The following PDE11A variants were observed in gnomAD, a reference collection of about 807,000 sequenced individuals.
The protein encoded by PDE11A is dual 3',5'-cyclic-AMP and -GMP phosphodiesterase 11A.
In PDE11A, 100 loss-of-function variants were observed where a neutral mutation model predicts 100.5. The ratio of observed to expected loss-of-function variants is 1.00; its 90% CI spans 0.85 to 1.18. The LOEUF (loss-of-function observed/expected upper bound fraction) is 1.18, where lower values mean the gene tolerates loss of function less well. Ranked by LOEUF, PDE11A falls within the 50% of genes most tolerant of loss-of-function variation. The probability of loss-of-function intolerance (pLI) is 0.00; values close to 1 mark genes in which losing one functional copy is unlikely to be tolerated. For missense variants in PDE11A, 1,141 were observed against 1,152.6 expected (o/e 0.99, Z 0.15); for synonymous variants, 381 against 420.8 (o/e 0.91, Z 1.16).
chr2:177,789,144 G>T (rs1431406412), intron 9 of PDE11A, among the ~76,000 whole-genome samples: 1 of 152,072 alleles, frequency 6.6e-6, no homozygotes, highest in Non-Finnish European at 1.5e-5. Context: ...CCTCAATAAA[G>T]TACTGGCAAA....
intron 15 of PDE11A, among the ~76,000 whole-genome samples, chr2:177,693,670 T>A (rs982817850): frequency 7.2e-5 from 11 of 152,102 alleles, no homozygotes; most frequent in African/African-American, 2.7e-4. Flanking sequence ...ATATCCCCAA[T>A]TAAAATGACA....
chr2:178,046,154 G>A (rs2086748033), intron 1 of PDE11A, among the ~76,000 whole-genome samples: 1 of 152,182 alleles, frequency 6.6e-6, no homozygotes, highest in African/African-American at 2.4e-5. Flanking sequence ...TCTTACCACA[G>A]TGCCTACTGC....
At chr2:177,777,775 T>C (rs2082398400) in intron 9 of PDE11A, among the ~76,000 whole-genome samples, 1 of 152,172 alleles carries the variant, frequency 6.6e-6, no homozygotes, top group Admixed American at 6.5e-5. Flanking sequence ...TATCAGTTAA[T>C]TTTTTCGACA....
In PDE11A at chr2:178,014,327, G is replaced by A; in HGVS notation, c.1046C>T (p.Ala349Val). 1 of 1,612,928 alleles carries A rather than the reference G, an allele frequency of 6.2e-7. No homozygotes were observed. Among genetic ancestry groups the A allele is most frequent in the Non-Finnish European group, 8.5e-7 (1 of 1,178,994 alleles). Residue 349 changes from alanine (A) to valine (V), a missense_variant, in exon 2 of 20, where the codon GCT becomes GTT. Transcript: ENST00000286063. ...TTTTTCATCATCTTCAGTAAATGGA[G>A]CTCCTTCAGGAATCTTATTTATCGC... is the stretch of plus-strand genomic sequence containing the variant. ...AQAINKIPEG[A>V]PFTEDDEKVM... is the part of the protein sequence containing the mutation.
rs149554567 is a variant in PDE11A at position 177,930,654 on chromosome 2, C to T, written c.1072-25467G>A. Among the ~76,000 whole-genome samples the T allele has an allele frequency of 3.7e-3, 563 of 152,306 alleles. 2 individuals are homozygous for T. The highest frequency in any genetic ancestry group is 0.013 in the African/African-American group (547 of 41,568). ...GTAGAAAGGATAAGAAATCTCATCC[C>T]ACAACTATTCATAGGGAAGCTACCA... is the stretch of plus-strand genomic sequence containing the variant. On this transcript the variant is annotated intron_variant, in intron 2 of 19. Transcript: ENST00000286063.
At chr2:177,896,732 G>A (rs986618254) in intron 4 of PDE11A, among the ~76,000 whole-genome samples, 1 of 152,120 alleles carries the variant, frequency 6.6e-6, no homozygotes, top group African/African-American at 2.4e-5. Flanking sequence ...AATTATTATA[G>A]GATGATAGTA....
chr2:178,105,827 A>T, intron 1 of PDE11A: 1 of 531,218 alleles, frequency 1.9e-6, no homozygotes, highest in Non-Finnish European at 2.8e-6. Context: ...CCTTGGCCAG[A>T]TTTCTGCAAT....
At chr2:177,973,072 A>G (rs2085792903) in intron 2 of PDE11A, among the ~76,000 whole-genome samples, 1 of 152,138 alleles carries the variant, frequency 6.6e-6, no homozygotes, top group South Asian at 2.1e-4. Flanking sequence ...AAAATGGCTG[A>G]GGGAGGAGGA....
At chr2:177,920,792 G>A (rs571049740) in intron 2 of PDE11A, among the ~76,000 whole-genome samples, 124 of 152,234 alleles carry the variant, frequency 8.1e-4, no homozygotes, top group African/African-American at 2.7e-3. Context: ...GCCAGGCGCG[G>A]TCGCTCATGC....
At chr2:177,840,404 G>C (rs766288913) in intron 5 of PDE11A, 21 bp from the exon 6 acceptor site, 18 of 1,611,906 alleles carry the variant, frequency 1.1e-5, no homozygotes, top group African/African-American at 6.7e-5. Flanking sequence ...ACCAAGGTAG[G>C]CAGGAAGAAA....
intron 1 of PDE11A, among the ~76,000 whole-genome samples, chr2:178,035,637 G>A (rs1054059231): frequency 1.3e-5 from 2 of 152,078 alleles, no homozygotes; most frequent in Non-Finnish European, 2.9e-5. Flanking sequence ...CAATAAAATA[G>A]GGCAAACCGA....
intron 19 of PDE11A, among the ~76,000 whole-genome samples, chr2:177,640,278 G>A (rs903218265): frequency 2.0e-5 from 3 of 152,198 alleles, no homozygotes; most frequent in Non-Finnish European, 4.4e-5. Context: ...ATGAGGTCAT[G>A]ATCACTTTAC....
At chr2:177,635,782 A>C (rs552877479) in intron 19 of PDE11A, among the ~76,000 whole-genome samples, 1 of 152,072 alleles carries the variant, frequency 6.6e-6, no homozygotes, top group Non-Finnish European at 1.5e-5. Flanking sequence ...GTAGTACACC[A>C]TACAGAGGGA....
intron 19 of PDE11A, among the ~76,000 whole-genome samples, chr2:177,659,273 A>G (rs1452483620): frequency 1.4e-5 from 2 of 138,036 alleles, no homozygotes; most frequent in African/African-American, 6.0e-5. Flanking sequence ...GGGGGAAAAA[A>G]AAAAAAAAAA....
intron 19 of PDE11A, among the ~76,000 whole-genome samples, chr2:177,630,553 G>A (rs1034079959): frequency 1.3e-5 from 2 of 152,178 alleles, no homozygotes; most frequent in Admixed American, 6.5e-5. Context: ...TCAGATTAAA[G>A]AGCAATAGGT....
At chr2:177,706,438 T>C (rs1256402616) in intron 13 of PDE11A, among the ~76,000 whole-genome samples, 1 of 152,160 alleles carries the variant, frequency 6.6e-6, no homozygotes, top group Admixed American at 6.5e-5. Context: ...ATATAGAAAA[T>C]ACTCACTTAC....
chr2:178,052,119 C>G (rs1296321252), intron 1 of PDE11A, among the ~76,000 whole-genome samples: 6 of 152,164 alleles, frequency 3.9e-5, no homozygotes, highest in Non-Finnish European at 8.8e-5. Flanking sequence ...GGAAGTACAG[C>G]ACTCCTCAGC....
chr2:178,083,188 C>T (rs186854877), intron 2 of PDE11A, among the ~76,000 whole-genome samples: 2 of 151,604 alleles, frequency 1.3e-5, no homozygotes, highest in Admixed American at 6.6e-5. Flanking sequence ...CAACCTCTGC[C>T]TCCCGGGTTC....
rs1347612369 is a variant in PDE11A at position 177,858,108 on chromosome 2, A to T, written c.1368-17725T>A. On this transcript the variant is annotated intron_variant, in intron 5 of 19. Coordinates refer to ENST00000286063, the MANE Select transcript of PDE11A (RefSeq NM_016953.4). The stretch of plus-strand genomic sequence containing the variant: ...ATAAAAAATTAATTCAAGATGGATT[A>T]AAGACTTACATGTTAGACCTAAAAC... Among the ~76,000 whole-genome samples the T allele has an allele frequency of 1.3e-5, 2 of 152,138 alleles. 1 individual carries two copies. The highest frequency in any genetic ancestry group is 4.8e-5 in the African/African-American group (2 of 41,444).
Sources: allele counts gnomAD v4.1 joint callset (sites outside exome capture counted in the v4.1 genomes callset), GRCh38; gene constraint gnomAD v4.1.1; transcripts MANE v1.5; gene names NCBI Gene and HGNC (gene_info 2026-07-23, HGNC 2026-07-21).